The following SH3TC1 variants were observed in gnomAD, a reference collection of about 807,000 sequenced individuals.
SH3TC1 encodes SH3 domain and tetratricopeptide repeat-containing protein 1.
A neutral mutation model predicts 117.3 loss-of-function variants in SH3TC1; 135 were observed. The observed-to-expected ratio is 1.15, with a 90% CI of 1.00 to 1.33. The LOEUF is 1.33. SH3TC1 is among the 40% of genes most tolerant of loss of function. The pLI is 0.00. For missense variants in SH3TC1, 2,092 were observed against 1,794.3 expected (o/e 1.17, Z -3.00); for synonymous variants, 898 against 816.9 (o/e 1.10, Z -1.69).
chr4:8,205,765 A>AGGGCCGGGCCAGGCCACCCTGTGGTCAG lies in SH3TC1; in HGVS notation c.172+413_172+440dup. On this transcript the variant is annotated intron_variant, in intron 2 of 17. Transcript: ENST00000245105. The surrounding 1 kb of genome is among the most constrained non-coding windows in gnomAD (Gnocchi z 5.4). ...GAGGCACCCAAGGTGCAGAGAGGGA[A>AGGGCCGGGCCAGGCCACCCTGTGGTCAG]GGGCCGGGCCAGGCCACCCTGTGGT... 1.5e-6 allele frequency: 1 copy of AGGGCCGGGCCAGGCCACCCTGTGGTCAG among 661,332 alleles called. No individual in the cohort carries two copies. The highest frequency in any genetic ancestry group is 2.2e-5 in the Admixed American group (1 of 46,430). The allele number at this position is 661,332 out of a possible 1,614,324, so 41.0% of individuals were successfully genotyped here.
chr4:8,195,647 G>A (rs1262048435), upstream of SH3TC1, among the ~76,000 whole-genome samples: 1 of 152,250 alleles, frequency 6.6e-6, no homozygotes, highest in Non-Finnish European at 1.5e-5. Context: ...TGTGGATGTG[G>A]AGCCCGTCTG....
upstream of SH3TC1, among the ~76,000 whole-genome samples, chr4:8,194,791 G>C (rs143590405): frequency 0.011 from 1,684 of 152,286 alleles, 30 homozygotes; most frequent in African/African-American, 0.038. Flanking sequence ...CTTGGTGCTC[G>C]AAGGAGTGGG....
At chr4:8,229,521 G>A (rs1261581904) in intron 12 of SH3TC1, among the ~76,000 whole-genome samples, 1 of 144,152 alleles carries the variant, frequency 6.9e-6, no homozygotes, top group African/African-American at 2.6e-5. Flanking sequence ...GGGTGAGCGG[G>A]GATGAGTGGG....
At chr4:8,229,923 C>T (rs951338777) in intron 12 of SH3TC1, among the ~76,000 whole-genome samples, 1 of 149,874 alleles carries the variant, frequency 6.7e-6, no homozygotes. Context: ...TGTCTCCCCA[C>T]CCCGCGTTGA....
chr4:8,233,468 C>G lies in SH3TC1; in HGVS notation c.3237C>G (p.Ile1079Met), dbSNP rs752719231. The G allele has an allele frequency of 6.2e-7, 1 of 1,613,794 alleles. No individual in the cohort carries two copies. Among genetic ancestry groups the G allele is most frequent in the East Asian group, 2.2e-5 (1 of 44,872 alleles). ...EAHAWLQAGKIYYILRQSELV... is the reference protein window; with the variant it reads ...EAHAWLQAGKMYYILRQSELV... ...ATGCCTGGCTGCAAGCAGGGAAGAT[C>G]TATTACATCTTGCGGCAGAGCGAGC... Residue 1079 changes from isoleucine to methionine, a missense_variant, in exon 14 of 18, where the codon ATC becomes ATG. By Grantham distance (10) the Ile-to-Met change is conservative. Coordinates refer to ENST00000245105, the MANE Select transcript of SH3TC1 (RefSeq NM_018986.5).
intron 4 of SH3TC1, 37 bp downstream of exon 4, chr4:8,212,865 C>T: frequency 6.6e-7 from 1 of 1,514,164 alleles, no homozygotes; most frequent in East Asian, 2.4e-5. Flanking sequence ...GGGATGGGAG[C>T]TGGAGTCAGG....
chr4:8,233,589 G>C, intron 14 of SH3TC1, 76 bp downstream of exon 14: 1 of 1,457,484 alleles, frequency 6.9e-7, no homozygotes, highest in Non-Finnish European at 9.2e-7. Flanking sequence ...TGATGATGAT[G>C]ATAGATGATC....
At chr4:8,189,138 G>C (rs1365981562) in intron 1 of SH3TC1, among the ~76,000 whole-genome samples, 1 of 152,274 alleles carries the variant, frequency 6.6e-6, no homozygotes, top group Non-Finnish European at 1.5e-5. Context: ...ACATGGGGCT[G>C]TTGGCTCCCA....
In SH3TC1 at chr4:8,209,937, CT is replaced by C; in HGVS notation, c.247+117del. The C allele has an allele frequency of 9.5e-7, 1 of 1,047,990 alleles. No homozygotes were observed. Among genetic ancestry groups the C allele is most frequent in the Middle Eastern group, 3.0e-4 (1 of 3,372 alleles). 64.9% of individuals were successfully genotyped at this position (1,047,990 alleles called of 1,614,324 possible). On this transcript the variant is annotated intron_variant, in intron 3 of 17. Transcript: ENST00000245105. The surrounding 1 kb of genome is among the most constrained non-coding windows in gnomAD (Gnocchi z 5.9). ...CAAAGTGTGGCCTCAGACTTCCCAC[CT>C]TAAAATCATGATGGGAATAGAAAGA...
At position 8,205,038 on chromosome 4, in the gene SH3TC1, T is replaced by C. The variant is rs529808493; in HGVS notation, c.-28-129T>C. On this transcript the variant is annotated intron_variant, in intron 1 of 17. Coordinates refer to ENST00000245105, the MANE Select transcript of SH3TC1 (RefSeq NM_018986.5). The surrounding 1 kb of genome is among the most constrained non-coding windows in gnomAD (Gnocchi z 5.4). Reference sequence around the variant, plus strand: ...CACGGTGCACGGTGCGGTGAGGGGCTCGCTGGATCTGAAAGGTGCAGGCGC... The same window carrying C: ...CACGGTGCACGGTGCGGTGAGGGGCCCGCTGGATCTGAAAGGTGCAGGCGC... The C allele has an allele frequency of 6.0e-6, 4 of 672,016 alleles. No individual in the cohort carries two copies. The Admixed American group carries it at 1.4e-4, about 23-fold the overall frequency. 41.6% of individuals were successfully genotyped at this position (672,016 alleles called of 1,614,324 possible).
At chr4:8,214,445 C>T (rs1437714770) in intron 4 of SH3TC1, 30 bp from the exon 5 acceptor site, 3 of 1,585,980 alleles carry the variant, frequency 1.9e-6, no homozygotes, top group Admixed American at 3.3e-5. Context: ...CTCCTGGGGA[C>T]CTCTCGAATT....
Position 8,236,286 on chromosome 4 carries a change from C to T in SH3TC1, c.3414C>T (p.Ala1138=), listed in dbSNP as rs1173396250. ...EKAVSFYRDR[A]LPLAVTTGNR... ...ACCTGCCTGTGTGGCAGGACCGGGC[C>T]CTGCCCCTGGCAGTGACTACGGGCA... The change falls in exon 16 of 18, where the codon GCC becomes GCT. Residue 1138 remains alanine, a synonymous_variant. Transcript: ENST00000245105. The T allele has an allele frequency of 1.3e-6, 2 of 1,552,588 alleles. No individual in the cohort carries two copies. The highest frequency in any genetic ancestry group is 1.7e-6 in the Non-Finnish European group (2 of 1,148,776).
intron 9 of SH3TC1, among the ~76,000 whole-genome samples, chr4:8,221,018 C>T (rs995690177): frequency 6.6e-6 from 1 of 152,208 alleles, no homozygotes; most frequent in Non-Finnish European, 1.5e-5. Flanking sequence ...CCAGGGATTC[C>T]CAGCACAAAC....
At chr4:8,185,032 T>C (rs1461347094) in intron 1 of SH3TC1, among the ~76,000 whole-genome samples, 4 of 151,540 alleles carry the variant, frequency 2.6e-5, no homozygotes, top group African/African-American at 9.7e-5. Context: ...TTTTTTTTTT[T>C]CTTTAAAATA....
In SH3TC1 at chr4:8,240,829, G is replaced by C. The variant is rs987486807; in HGVS notation, c.3885G>C (p.Glu1295Asp). The change falls in exon 18 of 18, where the codon GAG becomes GAC. Residue 1295 changes from glutamate (E) to aspartate (D), a missense_variant. Physicochemically the swap from Glu to Asp is conservative, Grantham distance 45. Transcript: ENST00000245105. Reference protein sequence around the residue: ...TIYHNFLLDREKSLFFYQKAR... With the variant: ...TIYHNFLLDRDKSLFFYQKAR... ...ACCACAACTTCCTCCTGGACCGTGA[G>C]AAGTCGCTCTTCTTCTACCAGAAGG... 2 of 1,614,092 alleles carry C rather than the reference G, an allele frequency of 1.2e-6. No individual in the cohort carries two copies. The highest frequency in any genetic ancestry group is 1.7e-6 in the Non-Finnish European group (2 of 1,180,040).
At chr4:8,218,520 T>A (rs1719552502) in intron 8 of SH3TC1, among the ~76,000 whole-genome samples, 173 bp downstream of exon 8, 1 of 152,170 alleles carries the variant, frequency 6.6e-6, no homozygotes, top group South Asian at 2.1e-4. Context: ...CGCAATTACT[T>A]TTGTACCAAC....
At chr4:8,237,376 G>T in intron 16 of SH3TC1, 98 bp from the exon 17 acceptor site, 1 of 1,076,524 alleles carries the variant, frequency 9.3e-7, no homozygotes, top group South Asian at 1.7e-5. Context: ...CTGCCCAGGT[G>T]ACCGCAGTGC....
intron 10 of SH3TC1, 23 bp downstream of exon 10, chr4:8,222,993 G>A (rs777785842): frequency 2.4e-5 from 38 of 1,600,248 alleles, no homozygotes; most frequent in Non-Finnish European, 2.7e-5. Flanking sequence ...GATGCCTGTG[G>A]TGGGGCCACT....
At chr4:8,208,995 G>A (rs939175995) in intron 2 of SH3TC1, among the ~76,000 whole-genome samples, 6 of 152,222 alleles carry the variant, frequency 3.9e-5, no homozygotes, top group South Asian at 2.1e-4. Flanking sequence ...GAGATGAAGT[G>A]CCCAGGCCAA....
Sources: gnomAD v4.1 joint callset for allele counts (sites outside exome capture counted in the v4.1 genomes callset) on GRCh38, gnomAD v4.1.1 for gene constraint, Gnocchi (gnomAD v3.1) non-coding constraint, MANE v1.5 for transcripts, NCBI Gene and HGNC (gene_info 2026-07-23, HGNC 2026-07-21) for gene names.